The following ALDH1A2 variants were observed in gnomAD, a reference collection of about 807,000 sequenced individuals.
ALDH1A2 encodes the protein aldehyde dehydrogenase 1 family member A2, also known as retinal dehydrogenase 2.
A neutral mutation model predicts 60.3 loss-of-function variants in ALDH1A2; 27 were observed. The observed-to-expected ratio is 0.45, with a 90% CI of 0.33 to 0.62. The LOEUF (loss-of-function observed/expected upper bound fraction) is 0.62. Among genes scored for constraint, ALDH1A2 ranks in the 20% least tolerant of loss-of-function variants. The pLI is 0.02. For missense variants in ALDH1A2, 581 were observed against 643.8 expected (o/e 0.90, Z 1.06); for synonymous variants, 289 against 232.4 (o/e 1.24, Z -2.21).
chr15:58,044,819 C>T (rs1472970720), intron 1 of ALDH1A2, among the ~76,000 whole-genome samples: 3 of 151,900 alleles, frequency 2.0e-5, no homozygotes, highest in East Asian at 1.9e-4. Context: ...AGAGGAGGGC[C>T]GGTTTTGGAT....
intron 1 of ALDH1A2, among the ~76,000 whole-genome samples, chr15:58,020,282 C>A (rs1477228404): frequency 2.0e-5 from 3 of 152,206 alleles, no homozygotes; most frequent in East Asian, 3.9e-4. Flanking sequence ...AATGAACATA[C>A]GTGTGCATGT....
At chr15:57,980,446 C>T in intron 7 of ALDH1A2, 1 of 341,908 alleles carries the variant, frequency 2.9e-6, no homozygotes, top group South Asian at 3.1e-5. Context: ...AGGCCGGCTG[C>T]AGCTTGTTCA....
At chr15:58,012,667 T>C (rs1895668241) in intron 3 of ALDH1A2, among the ~76,000 whole-genome samples, 2 of 152,160 alleles carry the variant, frequency 1.3e-5, no homozygotes, top group African/African-American at 2.4e-5. Context: ...TATATACACA[T>C]AAATGTTATA....
intron 1 of ALDH1A2, among the ~76,000 whole-genome samples, chr15:58,030,553 G>C (rs1411702681): frequency 6.6e-6 from 1 of 152,096 alleles, no homozygotes; most frequent in Admixed American, 6.5e-5. Flanking sequence ...AATCAGAGAA[G>C]AGAAAGAAAT....
chr15:58,001,891 T>C lies in ALDH1A2; in HGVS notation c.494-6752A>G, dbSNP rs548763499. On this transcript the variant is annotated intron_variant, in intron 4 of 12. Transcript: ENST00000249750. Reference sequence around the variant, plus strand: ...ACCAGAAAATGTTCTGGATACCACATTGTAGGTCAATAGGTGAGAACACAA... The same window carrying C: ...ACCAGAAAATGTTCTGGATACCACACTGTAGGTCAATAGGTGAGAACACAA... Among the ~76,000 whole-genome samples, 21 of 151,946 alleles carry C rather than the reference T, an allele frequency of 1.4e-4. No homozygotes were observed. The South Asian group carries it at 3.1e-3, about 22-fold the overall frequency.
intron 4 of ALDH1A2, among the ~76,000 whole-genome samples, chr15:57,996,369 C>G (rs1323121949): frequency 2.6e-5 from 4 of 151,756 alleles, no homozygotes; most frequent in Admixed American, 1.3e-4. Flanking sequence ...ATCTCTACCC[C>G]CTCTTGCCAT....
intron 7 of ALDH1A2, among the ~76,000 whole-genome samples, chr15:57,975,321 A>C (rs938270931): frequency 1.3e-5 from 2 of 152,256 alleles, no homozygotes; most frequent in Non-Finnish European, 2.9e-5. Flanking sequence ...TGAATGGATA[A>C]ACAAACATAC....
intron 7 of ALDH1A2, among the ~76,000 whole-genome samples, chr15:57,969,563 G>A (rs1046751432): frequency 2.6e-5 from 4 of 152,168 alleles, no homozygotes; most frequent in African/African-American, 9.7e-5. Flanking sequence ...GGAGTGCACG[G>A]CAAGATAAAG....
intron 8 of ALDH1A2, 25 bp from the exon 9 acceptor site, chr15:57,964,094 T>G (rs1893817875): frequency 6.2e-7 from 1 of 1,613,372 alleles, no homozygotes; most frequent in Non-Finnish European, 8.5e-7. Context: ...AGCCATGTTC[T>G]CACCGCTTTG....
intron 3 of ALDH1A2, among the ~76,000 whole-genome samples, chr15:58,013,001 T>C (rs1391001004): frequency 6.6e-6 from 1 of 152,176 alleles, no homozygotes; most frequent in African/African-American, 2.4e-5. Context: ...CTCTAAGAAA[T>C]TGACTTTTAT....
intron 1 of ALDH1A2, among the ~76,000 whole-genome samples, chr15:58,039,788 G>C (rs1236104042): frequency 1.3e-5 from 2 of 151,698 alleles, no homozygotes; most frequent in African/African-American, 4.8e-5. Flanking sequence ...GAAAAGAAGA[G>C]AACAAAAAGG....
At chr15:58,031,843 A>C (rs1426584816) in intron 1 of ALDH1A2, among the ~76,000 whole-genome samples, 1 of 152,206 alleles carries the variant, frequency 6.6e-6, no homozygotes, top group East Asian at 1.9e-4. Flanking sequence ...ATGATTAAAA[A>C]GTCAGGAAAC....
intron 7 of ALDH1A2, among the ~76,000 whole-genome samples, chr15:57,984,682 T>C (rs955279954): frequency 3.9e-5 from 6 of 152,364 alleles, no homozygotes; most frequent in Middle Eastern, 3.4e-3. Context: ...CTGCAGCATG[T>C]ATAAATACCT....
At chr15:57,976,556 T>C (rs1468221899) in intron 7 of ALDH1A2, among the ~76,000 whole-genome samples, 1 of 152,144 alleles carries the variant, frequency 6.6e-6, no homozygotes, top group Non-Finnish European at 1.5e-5. Context: ...AGAATGATGG[T>C]TTCCAGCTTC....
chr15:58,026,941 G>T (rs1386289670), intron 1 of ALDH1A2, among the ~76,000 whole-genome samples: 2 of 152,198 alleles, frequency 1.3e-5, no homozygotes, highest in African/African-American at 4.8e-5. Flanking sequence ...TCTGTGGGCA[G>T]GGCATAGCTG....
At chr15:58,064,542 G>A (rs1302971240) in intron 1 of ALDH1A2, among the ~76,000 whole-genome samples, 1 of 152,130 alleles carries the variant, frequency 6.6e-6, no homozygotes, top group Non-Finnish European at 1.5e-5. Context: ...TTAACCATAT[G>A]CATGTGCGTC....
intron 1 of ALDH1A2, among the ~76,000 whole-genome samples, chr15:58,053,504 A>G (rs1288783803): frequency 6.6e-6 from 1 of 152,156 alleles, no homozygotes; most frequent in African/African-American, 2.4e-5. Context: ...GCATTCAGTG[A>G]AAGCAAAATG....
At chr15:58,033,902 C>G (rs577785819) in intron 1 of ALDH1A2, among the ~76,000 whole-genome samples, 1 of 150,466 alleles carries the variant, frequency 6.6e-6, no homozygotes, top group East Asian at 1.9e-4. Context: ...TTTACAGTAA[C>G]TCTTCAAATT....
At chr15:58,008,252 A>T (rs1895521579) in intron 4 of ALDH1A2, among the ~76,000 whole-genome samples, 1 of 152,086 alleles carries the variant, frequency 6.6e-6, no homozygotes, top group African/African-American at 2.4e-5. Context: ...TTTTGGGGAA[A>T]AACAGTTACT....
Sources: allele counts gnomAD v4.1 joint callset (sites outside exome capture counted in the v4.1 genomes callset), GRCh38; gene constraint gnomAD v4.1.1; transcripts MANE v1.5; gene names NCBI Gene and HGNC (gene_info 2026-07-23, HGNC 2026-07-21).